The following TXLNB variants were observed in gnomAD, a reference collection of about 807,000 sequenced individuals.
TXLNB encodes the protein beta-taxilin.
In TXLNB, 37 loss-of-function variants were observed where a neutral mutation model predicts 57.4. That is an observed-to-expected ratio of 0.64 (90% confidence interval 0.50 to 0.85). The LOEUF (loss-of-function observed/expected upper bound fraction) is 0.85. TXLNB is among the 40% of genes least tolerant of loss of function. TXLNB has a pLI of 0.00. For missense variants in TXLNB, 848 were observed against 825.6 expected (o/e 1.03, Z -0.33); for synonymous variants, 302 against 309.6 (o/e 0.98, Z 0.26).
chr6:139,217,226 T>G, the TXLNB span, among the ~76,000 whole-genome samples: 1 of 152,116 alleles, frequency 6.6e-6, no homozygotes, highest in East Asian at 1.9e-4. Flanking sequence ...AGCCTTGCGC[T>G]TACACATTTA....
chr6:139,172,431 C>G, the TXLNB span, among the ~76,000 whole-genome samples: 1 of 152,174 alleles, frequency 6.6e-6, no homozygotes, highest in Non-Finnish European at 1.5e-5. Context: ...TCACTGCCCT[C>G]CCCGGACCCT....
At chr6:139,318,747 T>A in the TXLNB span, among the ~76,000 whole-genome samples, 1 of 152,114 alleles carries the variant, frequency 6.6e-6, no homozygotes. Flanking sequence ...GGTAAAGACA[T>A]TTTTTCCAGA....
At position 139,247,901 on chromosome 6, in the gene TXLNB, G is replaced by C. The variant is rs762516286; in HGVS notation, c.1086C>G (p.Leu362=). Residue 362 remains leucine (L), a synonymous_variant, in exon 8 of 10, where the codon CTC becomes CTG. Transcript: ENST00000358430. ...QETVLQAQLT[L]YSGRFEEFQS... is the part of the protein sequence containing the mutation. Reference sequence around the variant, plus strand: ...GGAATTCTTCAAACCTTCCTGAGTAGAGAGTGAGCTGTAAACAGAGGAAAG... The same window carrying C: ...GGAATTCTTCAAACCTTCCTGAGTACAGAGTGAGCTGTAAACAGAGGAAAG... The C allele has an allele frequency of 8.7e-6, 14 of 1,600,942 alleles. No individual in the cohort carries two copies. The African/African-American group carries it at 1.6e-4, about 18-fold the overall frequency.
the TXLNB span, among the ~76,000 whole-genome samples, chr6:139,173,994 G>T: frequency 1.3e-5 from 2 of 152,146 alleles, no homozygotes; most frequent in Non-Finnish European, 2.9e-5. Context: ...AAGATCAGTG[G>T]TGTTGGTTAA....
At chr6:139,200,277 T>C in the TXLNB span, among the ~76,000 whole-genome samples, 1 of 152,090 alleles carries the variant, frequency 6.6e-6, no homozygotes, top group South Asian at 2.1e-4. Context: ...CACAGGCATC[T>C]CCCCTAATAA....
the TXLNB span, among the ~76,000 whole-genome samples, chr6:139,300,919 TG>T: frequency 6.6e-6 from 1 of 152,228 alleles, no homozygotes; most frequent in Non-Finnish European, 1.5e-5. Context: ...TAACTTCCCT[TG>T]TGTGTTCCTT....
the TXLNB span, among the ~76,000 whole-genome samples, chr6:139,190,785 T>C: frequency 6.6e-6 from 1 of 152,206 alleles, no homozygotes; most frequent in Non-Finnish European, 1.5e-5. Flanking sequence ...GCTTTTGTTT[T>C]TCTCTTCTTT....
the TXLNB span, among the ~76,000 whole-genome samples, chr6:139,159,485 G>T: frequency 6.6e-6 from 1 of 152,134 alleles, no homozygotes; most frequent in African/African-American, 2.4e-5. Flanking sequence ...GTACCTGGGT[G>T]CCACAAGGAG....
chr6:139,288,517 T>C lies in TXLNB; in HGVS notation c.383A>G (p.Asn128Ser), dbSNP rs376119282. Residue 128 changes from asparagine (N) to serine (S), a missense_variant, in exon 2 of 10, where the codon AAT becomes AGT. Transcript: ENST00000358430. The stretch of plus-strand genomic sequence containing the variant: ...TTTCTTTTCCAATTTTTGCTCCTTA[T>C]TGCTGACGGGCTCTTTGACAGTGGG... ...EPPTVKEPVS[N>S]KEQKLEKKIL... The C allele has an allele frequency of 3.7e-6, 6 of 1,614,228 alleles. No homozygotes were observed. Among genetic ancestry groups the C allele is most frequent in the Non-Finnish European group, 4.2e-6 (5 of 1,180,032 alleles).
Position 139,247,904 on chromosome 6 carries a change from A to G in TXLNB, c.1083T>C (p.Thr361=), listed in dbSNP as rs902316285. Reference sequence around the variant, plus strand: ...ATTCTTCAAACCTTCCTGAGTAGAGAGTGAGCTGTAAACAGAGGAAAGAGT... The same window carrying G: ...ATTCTTCAAACCTTCCTGAGTAGAGGGTGAGCTGTAAACAGAGGAAAGAGT... ...EQETVLQAQL[T]LYSGRFEEFQ... The change falls in exon 8 of 10, where the codon ACT becomes ACC. Residue 361 remains threonine (T), a synonymous_variant. Coordinates refer to ENST00000358430, the MANE Select transcript of TXLNB (RefSeq NM_153235.4). 2 of 1,599,494 alleles carry G rather than the reference A, an allele frequency of 1.3e-6. No individual in the cohort carries two copies. Among genetic ancestry groups the G allele is most frequent in the Admixed American group, 3.4e-5 (2 of 58,662 alleles).
chr6:139,255,289 CTGACTCTCT>C, intron 7 of TXLNB: 6 of 446,518 alleles, frequency 1.3e-5, no homozygotes, highest in Middle Eastern at 5.6e-4. Flanking sequence ...TGGACACTGG[CTGACTCTCT>C]TGACCACTGT....
the TXLNB span, among the ~76,000 whole-genome samples, chr6:139,211,818 A>G: frequency 2.0e-5 from 3 of 152,348 alleles, no homozygotes; most frequent in East Asian, 5.8e-4. Flanking sequence ...CGGCACAAGA[A>G]CTACGTGACA....
chr6:139,197,375 T>C, the TXLNB span, among the ~76,000 whole-genome samples: 1 of 152,234 alleles, frequency 6.6e-6, no homozygotes, highest in African/African-American at 2.4e-5. Context: ...ATTTTATTTG[T>C]TCACTGCTGT....
chr6:139,185,728 G>C, the TXLNB span, among the ~76,000 whole-genome samples: 630 of 152,276 alleles, frequency 4.1e-3, 3 homozygotes, highest in African/African-American at 0.014. Flanking sequence ...ACATAGGATA[G>C]AGTCATACTG....
the TXLNB span, among the ~76,000 whole-genome samples, chr6:139,208,176 C>T: frequency 1.3e-5 from 2 of 151,994 alleles, no homozygotes; most frequent in East Asian, 1.9e-4. Flanking sequence ...CCTTTATGTA[C>T]ACAAACTAGG....
At chr6:139,188,531 T>C in the TXLNB span, among the ~76,000 whole-genome samples, 5 of 152,014 alleles carry the variant, frequency 3.3e-5, no homozygotes, top group African/African-American at 7.3e-5. Flanking sequence ...AAAAATCTAA[T>C]CGAAATTCTG....
the TXLNB span, among the ~76,000 whole-genome samples, chr6:139,204,338 G>A: frequency 4.5e-4 from 69 of 152,166 alleles, 1 homozygote; most frequent in Non-Finnish European, 1.5e-4. Context: ...TTACAGGCAT[G>A]AGCCACTGCT....
At chr6:139,266,430 A>G (rs1776616421) in intron 4 of TXLNB, among the ~76,000 whole-genome samples, 1 of 152,260 alleles carries the variant, frequency 6.6e-6, no homozygotes, top group Middle Eastern at 3.2e-3. Context: ...TTCTGAAATT[A>G]AAAATCGCAA....
Position 139,276,918 on chromosome 6 carries a change from T to C in TXLNB, c.428A>G (p.Lys143Arg). ...LEKKILKGLG[K>R]EANLLMQNLN... ...ATTTTGCATTAGCAGGTTGGCTTCT[T>C]TGCCTTAAAAAAAAAAGACATGAAA... Residue 143 changes from lysine (K) to arginine (R), a missense_variant, in exon 3 of 10, where the codon AAA (lysine) becomes AGA (arginine). Physicochemically the swap from Lys to Arg is conservative, Grantham distance 26. Coordinates refer to ENST00000358430, the MANE Select transcript of TXLNB (RefSeq NM_153235.4). The C allele has an allele frequency of 6.4e-7, 1 of 1,554,012 alleles. No individual in the cohort carries two copies. The highest frequency in any genetic ancestry group is 8.6e-7 in the Non-Finnish European group (1 of 1,167,730).
Sources: gnomAD v4.1 joint callset for allele counts (sites outside exome capture counted in the v4.1 genomes callset) on GRCh38, gnomAD v4.1.1 for gene constraint, MANE v1.5 for transcripts, NCBI Gene and HGNC (gene_info 2026-07-23, HGNC 2026-07-21) for gene names.